Variants in NDST3 observed in about 807,000 individuals in gnomAD.
The protein encoded by NDST3 is N-deacetylase and N-sulfotransferase 3, also known as bifunctional heparan sulfate N-deacetylase/N-sulfotransferase 3.
NDST3 carries 58 observed loss-of-function variants against 96.1 expected under a neutral mutation model. The observed-to-expected ratio is 0.60, with a 90% confidence interval of 0.49 to 0.75. The LOEUF (loss-of-function observed/expected upper bound fraction) is 0.75, where lower values mean the gene tolerates loss of function less well. Among genes scored for constraint, NDST3 ranks in the 30% least tolerant of loss-of-function variants. NDST3 has a pLI of 0.00. For missense variants in NDST3, 788 were observed against 1,034.2 expected (o/e 0.76, Z 3.27); for synonymous variants, 333 against 359.7 (o/e 0.93, Z 0.84).
At chr4:118,227,907 C>T (rs1740010200) in intron 8 of NDST3, among the ~76,000 whole-genome samples, 1 of 152,126 alleles carries the variant, frequency 6.6e-6, no homozygotes, top group Admixed American at 6.5e-5. Flanking sequence ...CCACTGTACC[C>T]GGTCTATAAA....
At chr4:118,244,026 G>A (rs1476144192) in intron 12 of NDST3, among the ~76,000 whole-genome samples, 1 of 152,236 alleles carries the variant, frequency 6.6e-6, no homozygotes, top group African/African-American at 2.4e-5. Flanking sequence ...GATAAGATAT[G>A]TGTAGTCCCT....
chr4:118,098,876 C>T (rs773953472), intron 2 of NDST3, among the ~76,000 whole-genome samples: 19 of 151,990 alleles, frequency 1.3e-4, no homozygotes, highest in African/African-American at 3.1e-4. Context: ...AAAAGTGTTA[C>T]GGCTCAATTT....
At chr4:118,165,159 A>G (rs1485499397) in intron 6 of NDST3, among the ~76,000 whole-genome samples, 1 of 152,088 alleles carries the variant, frequency 6.6e-6, no homozygotes, top group African/African-American at 2.4e-5. Flanking sequence ...CAAAAACAAG[A>G]TCCAGCTATT....
rs1732446358 is a variant in NDST3, at chr4:118,129,761, C to A, written c.1225-8293C>A. ...TTTGTTGAGTTCCTGTCTGGGACATCTGTCCAATGCTGAAAGTGGAGTGTT... is the reference window on the plus strand; with the variant it reads ...TTTGTTGAGTTCCTGTCTGGGACATATGTCCAATGCTGAAAGTGGAGTGTT... On this transcript the variant is annotated intron_variant, in intron 4 of 13. Coordinates refer to ENST00000296499, the MANE Select transcript of NDST3 (RefSeq NM_004784.3). Among the ~76,000 whole-genome samples the A allele has an allele frequency of 2.0e-5, 3 of 152,162 alleles. No individual in the cohort carries two copies. In the South Asian group the frequency reaches 6.2e-4, roughly 31 times the overall value.
intron 12 of NDST3, among the ~76,000 whole-genome samples, chr4:118,252,506 C>G (rs1021916740): frequency 6.6e-6 from 1 of 152,120 alleles, no homozygotes; most frequent in Non-Finnish European, 1.5e-5. Context: ...CAGAATGAAA[C>G]CTCAAATGAG....
intron 6 of NDST3, among the ~76,000 whole-genome samples, chr4:118,222,461 G>A (rs1739614612): frequency 6.6e-6 from 1 of 151,852 alleles, no homozygotes; most frequent in African/African-American, 2.4e-5. Context: ...ACTCCCTTAT[G>A]GCCTTCAGGG....
At chr4:118,196,400 A>G (rs1737689774) in intron 6 of NDST3, among the ~76,000 whole-genome samples, 2 of 152,064 alleles carry the variant, frequency 1.3e-5, no homozygotes, top group South Asian at 4.1e-4. Context: ...CTATTTTTTC[A>G]GAATTGTTTC....
At chr4:118,191,408 G>C (rs1160065591) in intron 6 of NDST3, among the ~76,000 whole-genome samples, 7 of 152,168 alleles carry the variant, frequency 4.6e-5, no homozygotes, top group Non-Finnish European at 1.0e-4. Context: ...ATTCCAGAAA[G>C]GTGTATTCCA....
chr4:118,054,731 A>G lies in NDST3; in HGVS notation c.821A>G (p.Asn274Ser), dbSNP rs1414802475. The G allele has an allele frequency of 1.2e-6, 2 of 1,613,414 alleles. No homozygotes were observed. Among genetic ancestry groups the G allele is most frequent in the East Asian group, 4.5e-5 (2 of 44,864 alleles). The change falls in exon 2 of 14, where the codon AAC (asparagine) becomes AGC (serine). Residue 274 changes from asparagine (N) to serine (S), a missense_variant. Transcript: ENST00000296499. ...HDGIQRVLFGNNLNFWLHKLI... is the reference protein window; with the variant it reads ...HDGIQRVLFGSNLNFWLHKLI... ...GGAATTCAAAGGGTTCTTTTTGGCA[A>G]CAACTTGAACTTTTGGCTGCACAAG... is the stretch of plus-strand genomic sequence containing the variant.
intron 6 of NDST3, chr4:118,193,953 C>G: frequency 1.1e-6 from 1 of 934,086 alleles, no homozygotes; most frequent in Non-Finnish European, 1.8e-6. Flanking sequence ...TACACAGTGT[C>G]CCACTCTTTC....
At chr4:118,163,309 T>C (rs1344004292) in intron 6 of NDST3, among the ~76,000 whole-genome samples, 1 of 152,240 alleles carries the variant, frequency 6.6e-6, no homozygotes, top group East Asian at 1.9e-4. Context: ...CACATATGTT[T>C]ACTGTGGCTC....
At chr4:118,162,142 G>A (rs1279941610) in intron 6 of NDST3, among the ~76,000 whole-genome samples, 2 of 152,116 alleles carry the variant, frequency 1.3e-5, no homozygotes, top group Non-Finnish European at 2.9e-5. Context: ...TCATGGGTAG[G>A]AAGAATCAAT....
At chr4:118,129,814 G>T (rs557400198) in intron 4 of NDST3, among the ~76,000 whole-genome samples, 3 of 152,092 alleles carry the variant, frequency 2.0e-5, no homozygotes, top group South Asian at 4.1e-4. Context: ...TTGTACTGGG[G>T]TCTATCTCTC....
intron 6 of NDST3, among the ~76,000 whole-genome samples, chr4:118,205,016 G>T (rs1738343568): frequency 6.9e-6 from 1 of 144,294 alleles, no homozygotes. Flanking sequence ...TTCATTTTAT[G>T]TTAACTCTAA....
chr4:118,069,653 A>G (rs1726886131), intron 2 of NDST3, among the ~76,000 whole-genome samples: 1 of 152,076 alleles, frequency 6.6e-6, no homozygotes, highest in Non-Finnish European at 1.5e-5. Flanking sequence ...TAATGTTTGC[A>G]AATCTAATAG....
chr4:118,212,579 C>A (rs1304201821), intron 6 of NDST3, among the ~76,000 whole-genome samples: 1 of 152,032 alleles, frequency 6.6e-6, no homozygotes, highest in Non-Finnish European at 1.5e-5. Context: ...ATTATTATAT[C>A]CAATATAATG....
chr4:118,114,842 T>TA lies in NDST3; in HGVS notation c.1106_1107insA (p.Ser371ValfsTer4). 1.2e-6 allele frequency: 2 copies of TA among 1,614,086 alleles called. No individual in the cohort carries two copies. The highest frequency in any genetic ancestry group is 1.7e-6 in the Non-Finnish European group (2 of 1,179,970). ...GAAGATGAAGGAGATGACTGTCTGT[T>TA]GGGGTCTGTGGATGAGTTCTGGTGG... On this transcript the variant is annotated frameshift_variant, in exon 4 of 14. Transcript: ENST00000296499. LOFTEE classifies it high-confidence loss of function.
chr4:118,150,199 A>T (rs1734289032), intron 6 of NDST3, among the ~76,000 whole-genome samples: 1 of 152,156 alleles, frequency 6.6e-6, no homozygotes, highest in Non-Finnish European at 1.5e-5. Flanking sequence ...TTCATCAAGG[A>T]TATTGGTCTA....
chr4:118,227,238 TC>T (rs35034865), intron 8 of NDST3, among the ~76,000 whole-genome samples: 86,463 of 148,890 alleles, frequency 0.58, 26,113 homozygotes, highest in Admixed American at 0.69. Flanking sequence ...TTTTTTTTTT[TC>T]CCCCCCAAAT....
Sources: allele counts gnomAD v4.1 joint callset (sites outside exome capture counted in the v4.1 genomes callset), GRCh38; gene constraint gnomAD v4.1.1; transcripts MANE v1.5; gene names NCBI Gene and HGNC (gene_info 2026-07-23, HGNC 2026-07-21).